The following ZNF354B variants were observed in gnomAD, a reference collection of about 807,000 sequenced individuals.
The protein encoded by ZNF354B is zinc finger protein 354B.
ZNF354B carries 10 observed loss-of-function variants against 12.9 expected under a neutral mutation model. That is an observed-to-expected ratio of 0.77 (90% CI 0.48 to 1.31). ZNF354B has a LOEUF of 1.31. Among genes scored for constraint, ZNF354B ranks in the 40% most tolerant of loss-of-function variants. The probability of loss-of-function intolerance (pLI) is 0.00; values close to 1 mark genes in which losing one functional copy is unlikely to be tolerated. For synonymous variants in ZNF354B, 260 were observed against 243.7 expected, an observed-to-expected ratio of 1.07 and a Z score of -0.62; for missense variants, 614 against 711.7, an observed-to-expected ratio of 0.86 and a Z score of 1.56.
At chr5:178,865,373 T>G (rs1757431522) in intron 2 of ZNF354B, among the ~76,000 whole-genome samples, 1 of 152,166 alleles carries the variant, frequency 6.6e-6, no homozygotes, top group African/African-American at 2.4e-5. Flanking sequence ...GTTCAAGCGA[T>G]TCTCCTGCCT....
chr5:178,863,769 A>T (rs878868872), intron 2 of ZNF354B, among the ~76,000 whole-genome samples: 1 of 152,198 alleles, frequency 6.6e-6, no homozygotes, highest in Admixed American at 6.5e-5. Flanking sequence ...CCAGTGGGGC[A>T]GGGTGGAGAG....
chr5:178,861,491 A>G (rs1284197049), intron 2 of ZNF354B, among the ~76,000 whole-genome samples: 2 of 152,080 alleles, frequency 1.3e-5, no homozygotes, highest in Non-Finnish European at 2.9e-5. Flanking sequence ...TCTCCAACGC[A>G]TCGTTGTTAG....
At chr5:178,869,375 G>C (rs1475356038) in intron 4 of ZNF354B, among the ~76,000 whole-genome samples, 1 of 152,066 alleles carries the variant, frequency 6.6e-6, no homozygotes, top group African/African-American at 2.4e-5. Flanking sequence ...AATCTCCTTT[G>C]GTAGAAATAC....
In ZNF354B at chr5:178,879,909, C is replaced by T. The variant is rs1483608056; in HGVS notation, c.257-2800C>T. Among the ~76,000 whole-genome samples, 4 of 151,852 alleles carry T rather than the reference C, an allele frequency of 2.6e-5. No homozygotes were observed. The South Asian group carries it at 8.3e-4, about 32-fold the overall frequency. On this transcript the variant is annotated intron_variant, in intron 4 of 4. Transcript: ENST00000322434. Reference sequence around the variant, plus strand: ...TTGAGAGGCCAAGGTGGGTGGATCACGAGGTCAGGAGATTGAGACCATCCT... The same window carrying T: ...TTGAGAGGCCAAGGTGGGTGGATCATGAGGTCAGGAGATTGAGACCATCCT...
Position 178,883,798 on chromosome 5 carries a change from C to G in ZNF354B, c.1346C>G (p.Ser449Cys). 6.2e-7 allele frequency: 1 copy of G among 1,614,026 alleles called. No individual in the cohort carries two copies. Among genetic ancestry groups the G allele is most frequent in the South Asian group, 1.1e-5 (1 of 91,068 alleles). Residue 449 changes from serine (S) to cysteine (C), a missense_variant, in exon 5 of 5, where the codon TCC becomes TGC. By Grantham distance (112) the Ser-to-Cys change is moderately radical (BLOSUM62 -1). Transcript: ENST00000322434. ...NCNECGKALSSHSTLIIHERI... is the reference protein window; with the variant it reads ...NCNECGKALSCHSTLIIHERI... The stretch of plus-strand genomic sequence containing the variant: ...AATGAATGTGGTAAAGCCTTAAGCT[C>G]CCACTCAACACTTATTATTCATGAG...
chr5:178,860,799 C>G (rs1757333496), intron 1 of ZNF354B, 198 bp from the exon 2 acceptor site: 2 of 461,878 alleles, frequency 4.3e-6, no homozygotes, highest in Non-Finnish European at 7.9e-6. Flanking sequence ...TCCAGCGTCC[C>G]CTCCGTAAGC....
chr5:178,882,632 A>G (rs936469406), intron 4 of ZNF354B, 77 bp from the exon 5 acceptor site: 16 of 1,425,740 alleles, frequency 1.1e-5, no homozygotes, highest in Middle Eastern at 2.6e-4. Context: ...CTGAGATACA[A>G]TTAATCCCTT....
intron 2 of ZNF354B, among the ~76,000 whole-genome samples, chr5:178,862,022 G>C (rs1386627504): frequency 6.6e-6 from 1 of 150,658 alleles, no homozygotes; most frequent in Non-Finnish European, 1.5e-5. Context: ...AATGTTGGTA[G>C]ATAGAAACTG....
chr5:178,876,033 G>T (rs1275743103), intron 4 of ZNF354B, among the ~76,000 whole-genome samples: 1 of 152,198 alleles, frequency 6.6e-6, no homozygotes, highest in Non-Finnish European at 1.5e-5. Flanking sequence ...CCATATGGTG[G>T]CTGTAGTGTA....
rs1174098595 is a variant in ZNF354B at position 178,882,832 on chromosome 5, A to G, written c.380A>G (p.Tyr127Cys). 8 of 1,606,690 alleles carry G rather than the reference A, an allele frequency of 5.0e-6. No homozygotes were observed. The highest frequency in any genetic ancestry group is 2.3e-5 in the South Asian group (2 of 88,164). The change falls in exon 5 of 5, where the codon TAT becomes TGT. Residue 127 changes from tyrosine to cysteine, a missense_variant. By Grantham distance (194) the Tyr-to-Cys change is radical (BLOSUM62 -2). Coordinates refer to ENST00000322434, the MANE Select transcript of ZNF354B (RefSeq NM_058230.3). ...TTCATATCAGAAAGATCCTGCATAT[A>G]TGAAGAGAAATTAAAGAAACAGCAG... ...WNFISERSCI[Y>C]EEKLKKQQDK... is the part of the protein sequence containing the mutation.
At chr5:178,879,118 G>A (rs193271553) in intron 4 of ZNF354B, among the ~76,000 whole-genome samples, 15 of 151,322 alleles carry the variant, frequency 9.9e-5, no homozygotes, top group East Asian at 1.9e-4. Flanking sequence ...GTGCCATCTC[G>A]GCTCACTTCA....
intron 4 of ZNF354B, among the ~76,000 whole-genome samples, chr5:178,877,994 TTAAG>T (rs1408016363): frequency 2.0e-5 from 3 of 152,198 alleles, no homozygotes; most frequent in African/African-American, 7.2e-5. Context: ...TTTTCTGTCT[TTAAG>T]TATGTAAGTA....
At chr5:178,867,202 G>C in intron 4 of ZNF354B, 131 bp downstream of exon 4, 1 of 834,696 alleles carries the variant, frequency 1.2e-6, no homozygotes, top group Non-Finnish European at 2.0e-6. Context: ...GGAAGCGGAA[G>C]CCCAGGCTCT....
At chr5:178,872,147 C>G (rs1373114540) in intron 4 of ZNF354B, among the ~76,000 whole-genome samples, 1 of 152,188 alleles carries the variant, frequency 6.6e-6, no homozygotes, top group East Asian at 1.9e-4. Flanking sequence ...TGTTCCCTGC[C>G]TCTTTTCCTG....
At position 178,884,213 on chromosome 5, in the gene ZNF354B, T is replaced by C; in HGVS notation, c.1761T>C (p.Phe587=). 1 of 1,613,858 alleles carries C rather than the reference T, an allele frequency of 6.2e-7. No individual in the cohort carries two copies. The highest frequency in any genetic ancestry group is 1.3e-5 in the African/African-American group (1 of 75,036). The change falls in exon 5 of 5, where the codon TTT becomes TTC. Residue 587 remains phenylalanine, a synonymous_variant. Transcript: ENST00000322434. The part of the protein sequence containing the change: ...PYECNACGKL[F]SQRSSLTNHY... ...AATGTAATGCATGTGGGAAACTCTT[T>C]AGCCAGAGGTCATCCCTTACTAATC...
intron 4 of ZNF354B, among the ~76,000 whole-genome samples, chr5:178,870,601 G>A (rs1757548012): frequency 6.6e-6 from 1 of 152,106 alleles, no homozygotes; most frequent in Non-Finnish European, 1.5e-5. Flanking sequence ...CTTACTGCAA[G>A]AAGCCATCTT....
At chr5:178,878,096 CAGTT>C (rs1757663557) in intron 4 of ZNF354B, among the ~76,000 whole-genome samples, 1 of 151,988 alleles carries the variant, frequency 6.6e-6, no homozygotes, top group Non-Finnish European at 1.5e-5. Flanking sequence ...ATAAAAGTCA[CAGTT>C]AGGCCGGGCG....
intron 4 of ZNF354B, among the ~76,000 whole-genome samples, chr5:178,881,317 T>G (rs1273502061): frequency 6.6e-6 from 1 of 151,974 alleles, no homozygotes; most frequent in Non-Finnish European, 1.5e-5. Context: ...TGCTAAACAT[T>G]CCACAATGCA....
chr5:178,871,152 A>G (rs1757557678), intron 4 of ZNF354B, among the ~76,000 whole-genome samples: 1 of 152,138 alleles, frequency 6.6e-6, no homozygotes, highest in South Asian at 2.1e-4. Flanking sequence ...CCCATACAGT[A>G]TAGCCCAAAG....
Sources: allele counts gnomAD v4.1 joint callset (sites outside exome capture counted in the v4.1 genomes callset), GRCh38; gene constraint gnomAD v4.1.1; transcripts MANE v1.5; gene names NCBI Gene and HGNC (gene_info 2026-07-23, HGNC 2026-07-21).